Variants in RAPGEF5 observed in about 807,000 individuals in gnomAD.
RAPGEF5 encodes the protein Rap guanine nucleotide exchange factor 5, also known as M-Ras-regulated GEF.
Under a neutral mutation model 125.2 loss-of-function variants are expected in RAPGEF5, and 65 were observed. The ratio of observed to expected loss-of-function variants is 0.52; its 90% confidence interval spans 0.43 to 0.64. The LOEUF is 0.64. Among genes scored for constraint, RAPGEF5 ranks in the 30% least tolerant of loss-of-function variants. The pLI is 0.00. For synonymous variants in RAPGEF5, 391 were observed against 385.9 expected, an observed-to-expected ratio of 1.01 and a Z score of -0.16; for missense variants, 958 against 1,048.1, an observed-to-expected ratio of 0.91 and a Z score of 1.19.
At chr7:22,241,981 C>T (rs183879340) in intron 7 of RAPGEF5, among the ~76,000 whole-genome samples, 2 of 152,224 alleles carry the variant, frequency 1.3e-5, no homozygotes, top group East Asian at 3.9e-4. Flanking sequence ...CAGGCTCCTC[C>T]CCTAAAGGAG....
intron 9 of RAPGEF5, among the ~76,000 whole-genome samples, chr7:22,215,182 C>T (rs1785606959): frequency 6.6e-6 from 1 of 152,180 alleles, no homozygotes; most frequent in Admixed American, 6.5e-5. Flanking sequence ...AATCTTCCTT[C>T]TCCTGCCTCC....
At chr7:22,326,530 A>G (rs2082178198) in intron 1 of RAPGEF5, among the ~76,000 whole-genome samples, 1 of 152,216 alleles carries the variant, frequency 6.6e-6, no homozygotes, top group Non-Finnish European at 1.5e-5. Flanking sequence ...TTTAAAGAAC[A>G]GGAAGAGCTG....
chr7:22,299,776 C>T (rs1783152850), intron 5 of RAPGEF5, among the ~76,000 whole-genome samples: 1 of 152,112 alleles, frequency 6.6e-6, no homozygotes, highest in East Asian at 1.9e-4. Context: ...CTTTCTCCCC[C>T]CTCCACCCTC....
chr7:22,266,347 A>G (rs1017329304), intron 7 of RAPGEF5, among the ~76,000 whole-genome samples: 4 of 152,104 alleles, frequency 2.6e-5, no homozygotes, highest in Non-Finnish European at 4.4e-5. Flanking sequence ...GCATTTTTCT[A>G]CTTCAGTGAG....
chr7:22,174,602 G>C (rs147877519), intron 11 of RAPGEF5, among the ~76,000 whole-genome samples: 5 of 152,320 alleles, frequency 3.3e-5, no homozygotes, highest in African/African-American at 1.2e-4. Context: ...AGTAGTAATA[G>C]AAGAGATCAC....
At chr7:22,316,358 GATAGAT>G (rs2128154640) in intron 2 of RAPGEF5, among the ~76,000 whole-genome samples, 1 of 109,490 alleles carries the variant, frequency 9.1e-6, no homozygotes, top group South Asian at 3.1e-4. Context: ...TATATAGATA[GATAGAT>G]AGATAGATAG....
chr7:22,217,884 C>T (rs1785679275), intron 9 of RAPGEF5, among the ~76,000 whole-genome samples: 1 of 152,108 alleles, frequency 6.6e-6, no homozygotes, highest in South Asian at 2.1e-4. Context: ...AGCAGATAAC[C>T]AGAGCAAAGC....
intron 24 of RAPGEF5, chr7:22,130,833 C>G: frequency 1.5e-6 from 1 of 651,210 alleles, no homozygotes; most frequent in Non-Finnish European, 2.5e-6. Context: ...ACCTTGCTAA[C>G]ATACTTGTTG....
chr7:22,343,961 A>G (rs1271838217), intron 1 of RAPGEF5, among the ~76,000 whole-genome samples: 3 of 152,012 alleles, frequency 2.0e-5, no homozygotes, highest in Non-Finnish European at 4.4e-5. Flanking sequence ...AAGGAATGCC[A>G]ATTCCTCATA....
chr7:22,196,718 A>G (rs1212079312), intron 9 of RAPGEF5, among the ~76,000 whole-genome samples: 2 of 152,244 alleles, frequency 1.3e-5, no homozygotes, highest in African/African-American at 4.8e-5. Context: ...ACCATTAAAC[A>G]GGGGAGAATG....
At chr7:22,239,792 T>C (rs150041835) in intron 7 of RAPGEF5, among the ~76,000 whole-genome samples, 3 of 152,302 alleles carry the variant, frequency 2.0e-5, no homozygotes, top group Non-Finnish European at 4.4e-5. Flanking sequence ...GTATCTCATA[T>C]CGGTTCCTTT....
At position 22,120,324 on chromosome 7, in the gene RAPGEF5, T is replaced by C. The variant is rs918314402; in HGVS notation, c.*2082A>G. Reference sequence around the variant, plus strand: ...TCTGGCTTGGTGGGCATATCTGACTTGGGGTCTGAGCAGCATGCAATATGC... The same window carrying C: ...TCTGGCTTGGTGGGCATATCTGACTCGGGGTCTGAGCAGCATGCAATATGC... On this transcript the variant is annotated 3_prime_UTR_variant, in exon 26 of 26. Transcript: ENST00000665637. The surrounding 1 kb of genome is among the most constrained non-coding windows in gnomAD (Gnocchi z 4.0). 5.3e-5 allele frequency: 8 copies of C among 152,246 alleles called. No homozygotes were observed. The highest frequency in any genetic ancestry group is 8.8e-5 in the Non-Finnish European group (6 of 68,060). 9.4% of individuals were successfully genotyped at this position (152,246 alleles called of 1,614,324 possible).
At chr7:22,183,268 C>CA (rs757079018) in intron 11 of RAPGEF5, among the ~76,000 whole-genome samples, 6,581 of 30,826 alleles carry the variant, frequency 0.21, 1,294 homozygotes, top group African/African-American at 0.24. Context: ...GACTCCATCA[C>CA]AAAAAAAAAA....
rs529948908 is a variant in RAPGEF5 at position 22,156,818 on chromosome 7, G to A, written c.1628C>T (p.Thr543Met). The change falls in exon 16 of 26, where the codon ACG (threonine) becomes ATG (methionine). Residue 543 changes from threonine to methionine, a missense_variant. Transcript: ENST00000665637. ...WLQHRGTVTE[T>M]EEIFCHVYIT... is the part of the protein sequence containing the mutation. ...CTTCAAACCATACTCACTTTCCTCC[G>A]TTTCAGTCACAGTTCCTCTATGCTG... is the stretch of plus-strand genomic sequence containing the variant. 2.5e-5 allele frequency: 40 copies of A among 1,613,698 alleles called. No homozygotes were observed. Among genetic ancestry groups the A allele is most frequent in the East Asian group, 4.5e-5 (2 of 44,884 alleles).
At chr7:22,152,240 T>G (rs1407786330) in intron 17 of RAPGEF5, among the ~76,000 whole-genome samples, 1 of 152,234 alleles carries the variant, frequency 6.6e-6, no homozygotes, top group Non-Finnish European at 1.5e-5. Context: ...ACTATAATGT[T>G]GGGCTGGTGA....
At chr7:22,355,936 G>A (rs1784412618) in intron 1 of RAPGEF5, 1 of 981,488 alleles carries the variant, frequency 1.0e-6, no homozygotes, top group Non-Finnish European at 1.2e-6. Flanking sequence ...TCTCATTAAA[G>A]ACCACTTAAT....
At chr7:22,132,318 G>A (rs969585608) in intron 23 of RAPGEF5, among the ~76,000 whole-genome samples, 20 of 151,670 alleles carry the variant, frequency 1.3e-4, no homozygotes, top group African/African-American at 2.7e-4. Context: ...TCCTCAAGGC[G>A]TTATACACAG....
chr7:22,184,267 G>A lies in RAPGEF5; in HGVS notation c.1204+9100C>T, dbSNP rs139908026. 7.4e-4 allele frequency among the ~76,000 whole-genome samples: 112 copies of A among 152,254 alleles called. 2 individuals are homozygous for A. Among genetic ancestry groups the A allele is most frequent in the Admixed American group, 3.0e-3 (46 of 15,290 alleles). ...GAATAAACAAGGGTGGAGGATGAAAGCAAATCATAAAATTAAAAGTTTAAT... is the reference window on the plus strand; with the variant it reads ...GAATAAACAAGGGTGGAGGATGAAAACAAATCATAAAATTAAAAGTTTAAT... On this transcript the variant is annotated intron_variant, in intron 11 of 25. Transcript: ENST00000665637.
chr7:22,269,827 A>C (rs139636845), intron 6 of RAPGEF5, among the ~76,000 whole-genome samples: 123 of 152,266 alleles, frequency 8.1e-4, no homozygotes, highest in African/African-American at 2.7e-3. Context: ...TGACATTCTG[A>C]CCACAACCTC....
Sources: gnomAD v4.1 joint callset for allele counts (sites outside exome capture counted in the v4.1 genomes callset) on GRCh38, gnomAD v4.1.1 for gene constraint, Gnocchi (gnomAD v3.1) non-coding constraint, MANE v1.5 for transcripts, NCBI Gene and HGNC (gene_info 2026-07-23, HGNC 2026-07-21) for gene names.